The following NPAS3 variants were observed in gnomAD, a reference collection of about 807,000 sequenced individuals.
The protein encoded by NPAS3 is neuronal PAS domain protein 3, also known as neuronal PAS domain-containing protein 3.
NPAS3 carries 14 observed loss-of-function variants against 73.1 expected under a neutral mutation model. The observed-to-expected ratio is 0.19, with a 90% CI of 0.13 to 0.30. NPAS3 has a LOEUF of 0.30. Ranked by LOEUF, NPAS3 falls within the 10% of genes least tolerant of loss-of-function variation. The pLI is 1.00. For synonymous variants in NPAS3, 620 were observed against 541.5 expected, an observed-to-expected ratio of 1.14 and a Z score of -2.01; for missense variants, 1,096 against 1,250.0, an observed-to-expected ratio of 0.88 and a Z score of 1.86.
chr14:33,169,500 G>A (rs374233803), intron 2 of NPAS3, among the ~76,000 whole-genome samples: 6 of 152,134 alleles, frequency 3.9e-5, no homozygotes, highest in African/African-American at 7.2e-5. Flanking sequence ...CCCAGGAGGC[G>A]GAGGTTGCAG....
exon 10 of NPAS3, chr14:33,793,912 A>T: frequency 6.2e-7 from 1 of 1,613,526 alleles, no homozygotes; most frequent in Non-Finnish European, 8.5e-7. Context: ...AATAAGGGTC[A>T]GTGTGTGACA....
chr14:33,272,991 CA>C lies in NPAS3; in HGVS notation c.385+57567del, dbSNP rs534405766. ...TCCAATTTACTTCCCACTTTCTCGC[CA>C]ATTAAATTACTTGGTATATTCTTTC... On this transcript the variant is annotated intron_variant, in intron 3 of 11. Coordinates refer to ENST00000356141, the Ensembl canonical transcript of NPAS3. Among the ~76,000 whole-genome samples, 315 of 152,308 alleles carry C rather than the reference CA, an allele frequency of 2.1e-3. 1 individual carries two copies. Among genetic ancestry groups the C allele is most frequent in the Admixed American group, 3.2e-3 (49 of 15,288 alleles).
intron 1 of NPAS3, among the ~76,000 whole-genome samples, chr14:33,047,514 G>C (rs961434416): frequency 6.6e-6 from 1 of 152,108 alleles, no homozygotes; most frequent in Admixed American, 6.5e-5. Context: ...ATGAGCCTTG[G>C]ACACATGTTC....
chr14:33,541,535 T>A (rs1293043883), intron 4 of NPAS3, among the ~76,000 whole-genome samples: 1 of 152,192 alleles, frequency 6.6e-6, no homozygotes, highest in African/African-American at 2.4e-5. Flanking sequence ...TACACTTTTC[T>A]TAGCTTCACG....
chr14:33,784,745 A>ATTTATTTATTTTATTTTTTTT (rs1471526546), intron 9 of NPAS3, among the ~76,000 whole-genome samples: 2 of 73,838 alleles, frequency 2.7e-5, no homozygotes, highest in African/African-American at 1.3e-4. Context: ...TTATTTATTT[A>ATTTATTTATTTTATTTTTTTT]TTTTTTTTTT....
intron 3 of NPAS3, among the ~76,000 whole-genome samples, chr14:33,317,619 C>A (rs78688109): frequency 0.033 from 5,089 of 152,012 alleles, 267 homozygotes; most frequent in East Asian, 0.19. Flanking sequence ...CTGATGGTTT[C>A]TTGAGGGGCT....
chr14:33,762,160 T>A (rs2062314018), intron 7 of NPAS3, among the ~76,000 whole-genome samples: 2 of 152,234 alleles, frequency 1.3e-5, no homozygotes, highest in Non-Finnish European at 2.9e-5. Flanking sequence ...ATAACTACTC[T>A]ATATTCACTC....
chr14:33,473,760 A>G (rs1159458837), intron 4 of NPAS3, among the ~76,000 whole-genome samples: 1 of 152,196 alleles, frequency 6.6e-6, no homozygotes, highest in African/African-American at 2.4e-5. Context: ...AAGTTGTCAA[A>G]TTATGCAGTT....
At chr14:33,082,850 T>G (rs141109709) in intron 2 of NPAS3, among the ~76,000 whole-genome samples, 199 of 152,230 alleles carry the variant, frequency 1.3e-3, no homozygotes, top group African/African-American at 3.7e-3. Flanking sequence ...TATATGACAT[T>G]TAATACTCTT....
chr14:33,056,866 G>A (rs577870927), intron 2 of NPAS3, among the ~76,000 whole-genome samples: 5 of 152,192 alleles, frequency 3.3e-5, no homozygotes, highest in African/African-American at 1.2e-4. Flanking sequence ...TCCACTGAAG[G>A]CATTATGTTT....
chr14:33,752,597 A>G (rs2061995968), intron 7 of NPAS3, among the ~76,000 whole-genome samples: 1 of 152,212 alleles, frequency 6.6e-6, no homozygotes, highest in South Asian at 2.1e-4. Flanking sequence ...CAGTCACTTT[A>G]TAGACATATG....
At chr14:33,680,859 G>T in intron 6 of NPAS3, 1 of 514,888 alleles carries the variant, frequency 1.9e-6, no homozygotes, top group Non-Finnish European at 3.4e-6. Flanking sequence ...TAAAGTATGG[G>T]TTATCATGTT....
intron 1 of NPAS3, among the ~76,000 whole-genome samples, chr14:32,987,060 G>C (rs1265426473): frequency 6.6e-6 from 1 of 152,218 alleles, no homozygotes; most frequent in Middle Eastern, 3.4e-3. Flanking sequence ...GGATGAAAAC[G>C]TCTTTCATGA....
chr14:33,800,337 A>T lies in NPAS3; in HGVS notation c.2030A>T (p.Glu677Val). ...CCCAACCGGGAGATCTCCAGGAACGAGTCCCCCTACAGCATGACCAAGCCC... is the reference window on the plus strand; with the variant it reads ...CCCAACCGGGAGATCTCCAGGAACGTGTCCCCCTACAGCATGACCAAGCCC... The change falls in exon 12 of 12, where the codon GAG becomes GTG. Residue 677 changes from glutamate to valine, a missense_variant. By Grantham distance (121) the Glu-to-Val change is moderately radical. Transcript: ENST00000356141. The surrounding 1 kb of genome is among the most constrained non-coding windows in gnomAD (Gnocchi z 6.5). 1 of 1,613,132 alleles carries T rather than the reference A, an allele frequency of 6.2e-7. No individual in the cohort carries two copies. Among genetic ancestry groups the T allele is most frequent in the Non-Finnish European group, 8.5e-7 (1 of 1,179,548 alleles).
At chr14:33,222,059 C>G (rs1566693429) in intron 3 of NPAS3, among the ~76,000 whole-genome samples, 1 of 151,886 alleles carries the variant, frequency 6.6e-6, no homozygotes, top group African/African-American at 2.4e-5. Context: ...TATGACTGGA[C>G]AAAAAAGGCA....
chr14:33,513,800 C>T (rs1010435079), intron 4 of NPAS3, among the ~76,000 whole-genome samples: 1 of 152,096 alleles, frequency 6.6e-6, no homozygotes, highest in Non-Finnish European at 1.5e-5. Context: ...AAAAAGCTCA[C>T]GCTCTGGATT....
At chr14:33,087,738 G>T (rs2042085704) in intron 2 of NPAS3, among the ~76,000 whole-genome samples, 1 of 152,116 alleles carries the variant, frequency 6.6e-6, no homozygotes, top group Non-Finnish European at 1.5e-5. Flanking sequence ...GCATCTCATT[G>T]AATAGAGAGT....
At chr14:33,044,021 G>A (rs1020968390) in intron 1 of NPAS3, among the ~76,000 whole-genome samples, 7 of 152,132 alleles carry the variant, frequency 4.6e-5, no homozygotes, top group African/African-American at 1.7e-4. Context: ...TTTGTTCATA[G>A]AGTGAAATCC....
intron 4 of NPAS3, among the ~76,000 whole-genome samples, chr14:33,555,833 T>A (rs1182990340): frequency 6.6e-6 from 1 of 152,112 alleles, no homozygotes; most frequent in African/African-American, 2.4e-5. Context: ...TAGGTATAAT[T>A]GACTAAAATG....
Sources: allele counts gnomAD v4.1 joint callset (sites outside exome capture counted in the v4.1 genomes callset), GRCh38; gene constraint gnomAD v4.1.1; non-coding constraint Gnocchi (gnomAD v3.1); transcripts MANE v1.5; gene names NCBI Gene and HGNC (gene_info 2026-07-23, HGNC 2026-07-21).